KCNIP4: variants seen among roughly 807,000 people sequenced by gnomAD.
The protein encoded by KCNIP4 is potassium voltage-gated channel interacting protein 4, also known as Kv channel-interacting protein 4.
In KCNIP4, 12 loss-of-function variants were observed where a neutral mutation model predicts 34.0. The ratio of observed to expected loss-of-function variants is 0.35; its 90% confidence interval spans 0.23 to 0.57. The LOEUF (loss-of-function observed/expected upper bound fraction) is 0.57. Among genes scored for constraint, KCNIP4 ranks in the 20% least tolerant of loss-of-function variants. KCNIP4 has a pLI of 0.83. For missense variants in KCNIP4, 238 were observed against 311.7 expected (o/e 0.76, Z 1.78); for synonymous variants, 124 against 102.2 (o/e 1.21, Z -1.29).
intron 3 of KCNIP4, among the ~76,000 whole-genome samples, chr4:20,840,003 C>T (rs1040674800): frequency 1.3e-5 from 2 of 152,180 alleles, no homozygotes; most frequent in African/African-American, 4.8e-5. Flanking sequence ...AAGCAAATGG[C>T]TCACTGTGCT....
chr4:21,552,595 T>A (rs1397770982), intron 1 of KCNIP4, among the ~76,000 whole-genome samples: 1 of 152,152 alleles, frequency 6.6e-6, no homozygotes, highest in Non-Finnish European at 1.5e-5. Flanking sequence ...GATATACCCA[T>A]AAAGTTTGAA....
At chr4:20,959,947 C>T (rs1422179023) in intron 1 of KCNIP4, among the ~76,000 whole-genome samples, 1 of 152,060 alleles carries the variant, frequency 6.6e-6, no homozygotes, top group African/African-American at 2.4e-5. Flanking sequence ...TGAAAAGCAC[C>T]AAGCACCAGG....
intron 1 of KCNIP4, among the ~76,000 whole-genome samples, chr4:20,905,650 T>TAC (rs1235560627): frequency 5.5e-4 from 83 of 151,854 alleles, no homozygotes; most frequent in African/African-American, 1.9e-3. Context: ...TAGCTGGAAC[T>TAC]ACAGACATGT....
At chr4:20,730,234 C>T (rs1747681777) in intron 8 of KCNIP4, 105 bp from the exon 9 acceptor site, 1 of 1,363,258 alleles carries the variant, frequency 7.3e-7, no homozygotes, top group Non-Finnish European at 9.8e-7. Flanking sequence ...CCTCAACCAC[C>T]TATGCCAAAA....
At chr4:20,825,223 ACGTTTTT>A (rs1216083869) in intron 3 of KCNIP4, among the ~76,000 whole-genome samples, 1 of 118,994 alleles carries the variant, frequency 8.4e-6, no homozygotes, top group Non-Finnish European at 1.7e-5. Flanking sequence ...GGTCAATTTT[ACGTTTTT>A]TTTTTTTTTT....
intron 1 of KCNIP4, among the ~76,000 whole-genome samples, chr4:21,034,285 G>C (rs1306632393): frequency 6.6e-6 from 1 of 152,140 alleles, no homozygotes; most frequent in Non-Finnish European, 1.5e-5. Flanking sequence ...TTCATCAAGA[G>C]AATCATTGGT....
intron 1 of KCNIP4, among the ~76,000 whole-genome samples, chr4:20,968,558 A>C (rs1402144126): frequency 3.3e-5 from 5 of 152,296 alleles, no homozygotes; most frequent in Admixed American, 6.5e-5. Context: ...CTGGATTAAG[A>C]AAATGTGGCA....
intron 1 of KCNIP4, among the ~76,000 whole-genome samples, chr4:21,398,095 C>G (rs926147737): frequency 2.0e-5 from 3 of 152,150 alleles, no homozygotes; most frequent in African/African-American, 7.2e-5. Flanking sequence ...GCCTGTCGGA[C>G]TCTTTTTTGT....
chr4:20,729,257 T>TGCATATGTCTGTAAACATCC lies in KCNIP4; in HGVS notation c.*805_*824dup, dbSNP rs1281198558. On this transcript the variant is annotated 3_prime_UTR_variant, in exon 9 of 9. Coordinates refer to ENST00000382152, the MANE Select transcript of KCNIP4 (RefSeq NM_025221.6). ...CTGGAGGATAGATATCCTGACCCTT[T>TGCATATGTCTGTAAACATCC]GCATATGTCTGTAAACATCCTTGTT... The TGCATATGTCTGTAAACATCC allele has an allele frequency of 3.3e-5, 5 of 152,100 alleles. No homozygotes were observed. The highest frequency in any genetic ancestry group is 7.4e-5 in the Non-Finnish European group (5 of 67,948). The allele number at this position is 152,100 out of a possible 1,614,324, so 9.4% of individuals were successfully genotyped here.
chr4:21,558,394 A>T (rs1177501164), intron 1 of KCNIP4, among the ~76,000 whole-genome samples: 1 of 152,046 alleles, frequency 6.6e-6, no homozygotes, highest in African/African-American at 2.4e-5. Flanking sequence ...CAGGAGGCTT[A>T]GGCAGGATAA....
intron 3 of KCNIP4, among the ~76,000 whole-genome samples, chr4:20,817,457 G>A (rs1392972865): frequency 6.6e-6 from 1 of 152,050 alleles, no homozygotes; most frequent in African/African-American, 2.4e-5. Context: ...TCATCCCAAT[G>A]CCTGCAATGC....
At chr4:21,205,002 G>T (rs1756746811) in intron 1 of KCNIP4, among the ~76,000 whole-genome samples, 1 of 152,188 alleles carries the variant, frequency 6.6e-6, no homozygotes, top group African/African-American at 2.4e-5. Context: ...AGTTCCACTG[G>T]GAGGTAAGAA....
At chr4:21,403,573 C>T (rs1278541155) in intron 1 of KCNIP4, among the ~76,000 whole-genome samples, 1 of 152,190 alleles carries the variant, frequency 6.6e-6, no homozygotes, top group East Asian at 1.9e-4. Context: ...CCACATGATC[C>T]ACTCTGCATC....
At chr4:21,346,088 T>A (rs1717296077) in intron 1 of KCNIP4, among the ~76,000 whole-genome samples, 1 of 126,874 alleles carries the variant, frequency 7.9e-6, no homozygotes, top group African/African-American at 2.9e-5. Flanking sequence ...ATTTAAGATA[T>A]TTAAGATATC....
intron 1 of KCNIP4, among the ~76,000 whole-genome samples, chr4:21,149,798 G>T (rs1752631104): frequency 6.6e-6 from 1 of 152,030 alleles, no homozygotes; most frequent in African/African-American, 2.4e-5. Flanking sequence ...AGGGATCTAT[G>T]GTTTGGGGAC....
intron 1 of KCNIP4, among the ~76,000 whole-genome samples, chr4:20,938,916 T>G (rs973304169): frequency 6.6e-6 from 1 of 152,224 alleles, no homozygotes; most frequent in Non-Finnish European, 1.5e-5. Flanking sequence ...TATTATTTTA[T>G]GCTTACTTCT....
intron 1 of KCNIP4, among the ~76,000 whole-genome samples, chr4:21,766,062 T>C (rs1285277180): frequency 6.6e-6 from 1 of 152,054 alleles, no homozygotes; most frequent in East Asian, 1.9e-4. Context: ...AACACCTGAT[T>C]AACGCTCTCT....
intron 1 of KCNIP4, among the ~76,000 whole-genome samples, chr4:21,841,104 A>G (rs1303334979): frequency 1.3e-5 from 2 of 152,190 alleles, no homozygotes; most frequent in African/African-American, 2.4e-5. Flanking sequence ...TAACTATAAA[A>G]TTATTTTTTC....
intron 5 of KCNIP4, among the ~76,000 whole-genome samples, chr4:20,736,881 A>C (rs1437043604): frequency 6.6e-6 from 1 of 152,210 alleles, no homozygotes; most frequent in Non-Finnish European, 1.5e-5. Context: ...AACTTGGAGG[A>C]CTCACACTGC....
Sources: gnomAD v4.1 joint callset for allele counts (sites outside exome capture counted in the v4.1 genomes callset) on GRCh38, gnomAD v4.1.1 for gene constraint, MANE v1.5 for transcripts, NCBI Gene and HGNC (gene_info 2026-07-23, HGNC 2026-07-21) for gene names.